ADAMTSL1: variants seen among roughly 807,000 people sequenced by gnomAD.
ADAMTSL1 encodes ADAMTS like 1, also known as ADAMTS-like protein 1.
A neutral mutation model predicts 201.8 loss-of-function variants in ADAMTSL1; 126 were observed. The observed-to-expected ratio is 0.62, with a 90% CI of 0.54 to 0.72. The LOEUF (loss-of-function observed/expected upper bound fraction) is 0.72, where lower values mean the gene tolerates loss of function less well. ADAMTSL1 is among the 30% of genes least tolerant of loss of function. The pLI is 0.00. For missense variants in ADAMTSL1, 2,679 were observed against 2,277.8 expected (o/e 1.18, Z -3.59); for synonymous variants, 1,121 against 903.4 (o/e 1.24, Z -4.32).
chr9:18,128,366 A>T (rs1825820565), intron 1 of ADAMTSL1, among the ~76,000 whole-genome samples: 1 of 151,804 alleles, frequency 6.6e-6, no homozygotes, highest in Admixed American at 6.6e-5. Context: ...TTGCACAATA[A>T]TTTTTTTTCC....
At chr9:18,661,893 G>C in intron 8 of ADAMTSL1, 42 bp from the exon 9 acceptor site, 1 of 1,592,596 alleles carries the variant, frequency 6.3e-7, no homozygotes, top group East Asian at 2.2e-5. Context: ...ATATTGCATT[G>C]GCATGTACAT....
At chr9:18,867,747 C>A (rs1363723176) in intron 23 of ADAMTSL1, among the ~76,000 whole-genome samples, 1 of 152,146 alleles carries the variant, frequency 6.6e-6, no homozygotes, top group Non-Finnish European at 1.5e-5. Flanking sequence ...CCGCCTCAGC[C>A]TCCTGAGTAG....
rs144137851 is a variant in ADAMTSL1, at chr9:18,622,359, C to G, written c.591C>G (p.Ser197=). 1 of 1,614,002 alleles carries G rather than the reference C, an allele frequency of 6.2e-7. No individual in the cohort carries two copies. Among genetic ancestry groups the G allele is most frequent in the Non-Finnish European group, 8.5e-7 (1 of 1,179,948 alleles). The change falls in exon 5 of 29, where the codon TCC becomes TCG. Residue 197 remains serine (S), a synonymous_variant. Coordinates refer to ENST00000380548, the MANE Select transcript of ADAMTSL1 (RefSeq NM_001040272.6). The part of the protein sequence containing the change: ...LVRGQYKSQL[S]ATKSDDTVVA... ...GAGGGCAGTATAAATCCCAGCTCTC[C>G]GCAACCAAATGTAAGACACACAGAG...
intron 1 of ADAMTSL1, among the ~76,000 whole-genome samples, chr9:18,030,680 A>C (rs1027199045): frequency 6.6e-6 from 1 of 152,140 alleles, no homozygotes. Context: ...TTGAATTTGC[A>C]TGAAATTTAC....
chr9:17,920,780 G>T (rs1463542567), intron 1 of ADAMTSL1, among the ~76,000 whole-genome samples: 1 of 152,192 alleles, frequency 6.6e-6, no homozygotes, highest in African/African-American at 2.4e-5. Flanking sequence ...TACGGTCTTT[G>T]TCCTAACTTC....
intron 12 of ADAMTSL1, 64 bp downstream of exon 12, chr9:18,682,023 A>C: frequency 1.3e-6 from 2 of 1,526,530 alleles, no homozygotes; most frequent in Non-Finnish European, 1.8e-6. Context: ...TGTGTTTTAA[A>C]CTCCTTGGAA....
intron 1 of ADAMTSL1, among the ~76,000 whole-genome samples, chr9:18,500,584 G>A (rs1295140333): frequency 6.6e-6 from 1 of 151,880 alleles, no homozygotes; most frequent in Non-Finnish European, 1.5e-5. Context: ...TAACTCAAGG[G>A]GCCTAGTCAA....
At chr9:18,776,637 T>A (rs939947347) in intron 18 of ADAMTSL1, 144 bp from the exon 19 acceptor site, 4 of 982,646 alleles carry the variant, frequency 4.1e-6, no homozygotes, top group Non-Finnish European at 5.8e-6. Flanking sequence ...GAATACTTTC[T>A]CTCCCGTCCT....
At chr9:18,886,166 G>GTATGTA (rs55916376) in intron 23 of ADAMTSL1, among the ~76,000 whole-genome samples, 722 of 36,820 alleles carry the variant, frequency 0.02, 9 homozygotes, top group Non-Finnish European at 0.025. Flanking sequence ...GTGTGTATGT[G>GTATGTA]TATATATATA....
chr9:17,974,714 G>T (rs542414252), intron 1 of ADAMTSL1, among the ~76,000 whole-genome samples: 1 of 152,050 alleles, frequency 6.6e-6, no homozygotes, highest in South Asian at 2.1e-4. Flanking sequence ...TGTTAAGGCC[G>T]AGTAATGTTT....
chr9:18,132,423 A>T (rs902280432), intron 1 of ADAMTSL1, among the ~76,000 whole-genome samples: 2 of 152,024 alleles, frequency 1.3e-5, no homozygotes, highest in African/African-American at 4.8e-5. Flanking sequence ...CCAAACTGAA[A>T]CTCTACCCAT....
At chr9:18,264,464 A>G (rs2132547662) in intron 2 of ADAMTSL1, among the ~76,000 whole-genome samples, 1 of 152,294 alleles carries the variant, frequency 6.6e-6, no homozygotes, top group East Asian at 1.9e-4. Context: ...TGTCCCATTC[A>G]GAATAACAAC....
chr9:17,978,138 C>T (rs1818529002), intron 1 of ADAMTSL1, among the ~76,000 whole-genome samples: 1 of 151,936 alleles, frequency 6.6e-6, no homozygotes, highest in African/African-American at 2.4e-5. Context: ...TTTTAGTTTT[C>T]ATTTGTATGG....
chr9:18,525,456 G>A (rs1248024725), intron 2 of ADAMTSL1, among the ~76,000 whole-genome samples: 1 of 152,044 alleles, frequency 6.6e-6, no homozygotes, highest in Admixed American at 6.5e-5. Flanking sequence ...ATTCTGCTCT[G>A]ATCTTAGTAG....
intron 2 of ADAMTSL1, among the ~76,000 whole-genome samples, chr9:18,516,709 G>A (rs926411601): frequency 6.6e-6 from 1 of 152,146 alleles, no homozygotes; most frequent in African/African-American, 2.4e-5. Flanking sequence ...AATCAAGTGG[G>A]CAGTGCCTGG....
rs55717414 is a variant in ADAMTSL1 at position 18,756,076 on chromosome 9, A to AAT, written c.2217+2614_2217+2615dup. On this transcript the variant is annotated intron_variant, in intron 16 of 28. Coordinates refer to ENST00000380548, the MANE Select transcript of ADAMTSL1 (RefSeq NM_001040272.6). The stretch of plus-strand genomic sequence containing the variant: ...ATGGTGAAACCCTGTCTCTACTGAA[A>AAT]ATATATATATATATATATATATATA... 4.1e-3 allele frequency among the ~76,000 whole-genome samples: 333 copies of AAT among 80,540 alleles called. 5 individuals are homozygous for AAT. The highest frequency in any genetic ancestry group is 6.6e-3 in the African/African-American group (153 of 23,336). 52.8% of individuals were successfully genotyped at this position (80,540 alleles called of 152,430 possible).
chr9:18,338,600 C>G (rs986051428), intron 2 of ADAMTSL1, among the ~76,000 whole-genome samples: 1 of 152,050 alleles, frequency 6.6e-6, no homozygotes, highest in Non-Finnish European at 1.5e-5. Flanking sequence ...GGGTATGCCA[C>G]CTTGCCCAGC....
intron 3 of ADAMTSL1, among the ~76,000 whole-genome samples, chr9:18,559,248 A>G (rs1427343971): frequency 4.6e-5 from 7 of 152,186 alleles, no homozygotes; most frequent in Admixed American, 2.0e-4. Flanking sequence ...TCCCAACACC[A>G]TTTATTAAAT....
intron 15 of ADAMTSL1, among the ~76,000 whole-genome samples, chr9:18,734,409 T>C (rs1818392916): frequency 6.6e-6 from 1 of 152,154 alleles, no homozygotes; most frequent in Non-Finnish European, 1.5e-5. Context: ...GCCTTCATTA[T>C]CTCCTCCTAT....
Sources: allele counts gnomAD v4.1 joint callset (sites outside exome capture counted in the v4.1 genomes callset), GRCh38; gene constraint gnomAD v4.1.1; transcripts MANE v1.5; gene names NCBI Gene and HGNC (gene_info 2026-07-23, HGNC 2026-07-21).